Variants in MAOB observed in about 807,000 individuals in gnomAD.
MAOB encodes the protein amine oxidase [flavin-containing] B.
Under a neutral mutation model 41.9 loss-of-function variants are expected in MAOB, and 15 were observed. The observed-to-expected ratio is 0.36, with a 90% CI of 0.24 to 0.55. The LOEUF (loss-of-function observed/expected upper bound fraction) is 0.55, where lower values mean the gene tolerates loss of function less well. MAOB is among the 20% of genes least tolerant of loss of function. The pLI is 0.86. For synonymous variants in MAOB, 167 were observed against 144.2 expected (o/e 1.16, Z -1.13); for missense variants, 345 against 398.7 (o/e 0.87, Z 1.15).
intron 2 of MAOB, 102 bp from the exon 3 acceptor site, chrX:43,839,107 A>G (rs2035103686): frequency 3.4e-6 from 2 of 596,852 alleles, no homozygotes; most frequent in South Asian, 9.1e-5. Flanking sequence ...CAAGTTATAG[A>G]TACAGCTTAA....
At chrX:43,830,137 A>G (rs2034999989) in intron 3 of MAOB, among the ~76,000 whole-genome samples, 1 of 112,621 alleles carries the variant, frequency 8.9e-6, no homozygotes, top group Admixed American at 9.4e-5. Flanking sequence ...AAAATTATCA[A>G]TGTACATATT....
At chrX:43,837,994 C>T in intron 3 of MAOB, 2 of 329,101 alleles carry the variant, frequency 6.1e-6, no homozygotes, top group East Asian at 2.0e-4. Context: ...AGACTGGAAT[C>T]TGCAGAGAAA....
At chrX:43,840,222 T>C (rs775035363) in intron 2 of MAOB, among the ~76,000 whole-genome samples, 3 of 111,849 alleles carry the variant, frequency 2.7e-5, no homozygotes, top group South Asian at 3.8e-4. Flanking sequence ...TCTCTGAGTC[T>C]CTGGCTCTCA....
intron 11 of MAOB, among the ~76,000 whole-genome samples, chrX:43,776,104 C>T (rs1289776161): frequency 8.9e-6 from 1 of 112,212 alleles, no homozygotes; most frequent in Non-Finnish European, 1.9e-5. Context: ...TATCACCACG[C>T]TACACGCCCC....
Position 43,767,462 on chromosome X carries a change from C to G in MAOB, c.*4G>C. ...GAGAGTGTGATTACAGACACCCTCT[C>G]TCTTTAGACTCTCACAAGTAGCCCC... On this transcript the variant is annotated 3_prime_UTR_variant, in exon 15 of 15. Transcript: ENST00000378069. 1 of 1,206,003 alleles carries G rather than the reference C, an allele frequency of 8.3e-7. No homozygotes were observed.
Position 43,808,944 on chromosome X carries a change from A to T in MAOB, c.280-5540T>A, listed in dbSNP as rs772109630. ...GGTCTTGAACTCCCGACCTCAAGTA[A>T]TCCTCCCAAAGTGCTGGAATTACAG... On this transcript the variant is annotated intron_variant, in intron 3 of 14. Transcript: ENST00000378069. 3.5e-3 allele frequency among the ~76,000 whole-genome samples: 387 copies of T among 110,428 alleles called. 1 individual carries two copies. The highest frequency in any genetic ancestry group is 0.011 in the African/African-American group (340 of 30,315).
At chrX:43,819,694 A>C (rs976824311) in intron 3 of MAOB, among the ~76,000 whole-genome samples, 1 of 112,001 alleles carries the variant, frequency 8.9e-6, no homozygotes, top group Non-Finnish European at 1.9e-5. Flanking sequence ...CCCAGACCTC[A>C]TGAGAAACTT....
intron 3 of MAOB, among the ~76,000 whole-genome samples, chrX:43,833,926 A>G (rs1037178142): frequency 4.4e-5 from 5 of 112,392 alleles, no homozygotes; most frequent in African/African-American, 1.6e-4. Flanking sequence ...TGTATTCTCT[A>G]AAGAACACAA....
At chrX:43,778,055 G>A (rs982137644) in intron 11 of MAOB, among the ~76,000 whole-genome samples, 2 of 110,936 alleles carry the variant, frequency 1.8e-5, no homozygotes, top group African/African-American at 6.6e-5. Flanking sequence ...TTCATTTGAA[G>A]ATCACCGTTT....
intron 1 of MAOB, 54 bp downstream of exon 1, chrX:43,882,200 C>A: frequency 8.4e-7 from 1 of 1,197,310 alleles, no homozygotes; most frequent in Non-Finnish European, 1.1e-6. Flanking sequence ...CTCCCCCAGG[C>A]AGCCACCTGT....
At position 43,767,305 on chromosome X, in the gene MAOB, A is replaced by G; in HGVS notation, c.*161T>C. 1 of 497,346 alleles carries G rather than the reference A, an allele frequency of 2.0e-6. No homozygotes were observed. The highest frequency in any genetic ancestry group is 3.2e-6 in the Non-Finnish European group (1 of 314,686). The allele number at this position is 497,346 out of a possible 1,213,427, so 41.0% of individuals were successfully genotyped here. A position where few individuals can be genotyped will look rare whatever the true frequency, so the allele number is the denominator to read the frequency against. Reference sequence around the variant, plus strand: ...ACACTAAGCAGGGGCCACAACGGAGAAAGAGATACCATGTATTTTACAGTC... The same window carrying G: ...ACACTAAGCAGGGGCCACAACGGAGGAAGAGATACCATGTATTTTACAGTC... On this transcript the variant is annotated 3_prime_UTR_variant, in exon 15 of 15. Coordinates refer to ENST00000378069, the MANE Select transcript of MAOB (RefSeq NM_000898.5).
At chrX:43,824,914 CAAAGG>C (rs2147153658) in intron 3 of MAOB, among the ~76,000 whole-genome samples, 1 of 113,037 alleles carries the variant, frequency 8.8e-6, no homozygotes, top group Non-Finnish European at 1.9e-5. Context: ...TAGTACTTTA[CAAAGG>C]AAAGTCACAT....
intron 12 of MAOB, among the ~76,000 whole-genome samples, chrX:43,774,962 A>G (rs2034233557): frequency 9.0e-6 from 1 of 110,856 alleles, no homozygotes; most frequent in Admixed American, 9.6e-5. Flanking sequence ...TTGCTCTTCC[A>G]GGGAAAAGCA....
At chrX:43,770,255 C>G (rs1376349103) in intron 12 of MAOB, among the ~76,000 whole-genome samples, 1 of 111,565 alleles carries the variant, frequency 9.0e-6, no homozygotes, top group African/African-American at 3.3e-5. Flanking sequence ...CTTGAGACCT[C>G]CCACTCTGAA....
At chrX:43,807,848 C>A (rs1243561870) in intron 3 of MAOB, among the ~76,000 whole-genome samples, 2 of 112,101 alleles carry the variant, frequency 1.8e-5, no homozygotes, top group Non-Finnish European at 3.8e-5. Context: ...GATATAATCT[C>A]AGCTGTGTGA....
intron 10 of MAOB, among the ~76,000 whole-genome samples, chrX:43,779,602 A>C (rs1011953258): frequency 4.5e-5 from 5 of 111,972 alleles, no homozygotes; most frequent in Non-Finnish European, 7.5e-5. Context: ...TGTTCCAGAC[A>C]CTGGAAACCC....
At chrX:43,864,930 G>A (rs1050272628) in intron 1 of MAOB, among the ~76,000 whole-genome samples, 1 of 111,879 alleles carries the variant, frequency 8.9e-6, no homozygotes, top group Admixed American at 9.5e-5. Flanking sequence ...CTTTGTAGGT[G>A]TACCTGCACT....
At chrX:43,810,899 A>C (rs148151091) in intron 3 of MAOB, among the ~76,000 whole-genome samples, 307 of 112,240 alleles carry the variant, frequency 2.7e-3, no homozygotes, top group South Asian at 5.6e-3. Context: ...TGAGTGTACC[A>C]TCATTTATAC....
At position 43,882,258 on chromosome X, in the gene MAOB, G is replaced by T; in HGVS notation, c.42C>A (p.Ile14=). The T allele has an allele frequency of 8.3e-7, 1 of 1,209,510 alleles. No individual in the cohort carries two copies. Among genetic ancestry groups the T allele is most frequent in the Non-Finnish European group, 1.1e-6 (1 of 894,524 alleles). Residue 14 remains isoleucine (I), a synonymous_variant, in exon 1 of 15, where the codon ATC becomes ATA. Transcript: ENST00000378069. The part of the protein sequence containing the change: ...KCDVVVVGGG[I]SGMAAAKLLH... ...GGGCGCACAGCCGCGACTAACCTGA[G>T]ATGCCGCCCCCCACCACGACCACGT...
Sources: allele counts gnomAD v4.1 joint callset (sites outside exome capture counted in the v4.1 genomes callset), GRCh38; gene constraint gnomAD v4.1.1; transcripts MANE v1.5; gene names NCBI Gene and HGNC (gene_info 2026-07-23, HGNC 2026-07-21).